TTLL7: variants seen among roughly 807,000 people sequenced by gnomAD.
TTLL7 encodes the protein tubulin tyrosine ligase like 7.
TTLL7 carries 53 observed loss-of-function variants against 120.2 expected under a neutral mutation model. The observed-to-expected ratio is 0.44, with a 90% confidence interval of 0.35 to 0.55. The LOEUF is 0.55. TTLL7 is among the 20% of genes least tolerant of loss of function. TTLL7 has a pLI of 0.00. For synonymous variants in TTLL7, 353 were observed against 351.7 expected (o/e 1.00, Z -0.04); for missense variants, 803 against 1,054.7 (o/e 0.76, Z 3.31).
chr1:83,942,891 T>G (rs1648109059), intron 6 of TTLL7, among the ~76,000 whole-genome samples: 1 of 152,084 alleles, frequency 6.6e-6, no homozygotes, highest in South Asian at 2.1e-4. Flanking sequence ...AATACTTAAC[T>G]AAGAAAAAAA....
chr1:83,956,644 G>T (rs1223350202), intron 1 of TTLL7, among the ~76,000 whole-genome samples: 1 of 152,108 alleles, frequency 6.6e-6, no homozygotes, highest in Non-Finnish European at 1.5e-5. Context: ...TGGTCAGGCT[G>T]GTCTCGAACT....
intron 19 of TTLL7, chr1:83,887,338 A>G: frequency 1.4e-6 from 1 of 730,430 alleles, no homozygotes; most frequent in South Asian, 1.6e-5. Context: ...AACTGAGAAG[A>G]GTAGATTTTC....
intron 18 of TTLL7, among the ~76,000 whole-genome samples, chr1:83,893,585 G>A (rs1370131858): frequency 1.3e-5 from 2 of 152,076 alleles, no homozygotes; most frequent in African/African-American, 2.4e-5. Context: ...AGAATTGGAA[G>A]CAGATGAAAG....
In TTLL7 at chr1:83,937,916, T is replaced by G; in HGVS notation, c.824A>C (p.Lys275Thr). Residue 275 changes from lysine (K) to threonine (T), a missense_variant, in exon 8 of 21, where the codon AAA becomes ACA. Coordinates refer to ENST00000260505, the MANE Select transcript of TTLL7 (RefSeq NM_024686.6). ...TGCTTGAAGGAATTCTGTAAACCAT[T>G]TGATGGAACGTTTGCTGCCTTTGTT... ...TENKGSKRSIKWFTEFLQANQ... is the reference protein window; with the variant it reads ...TENKGSKRSITWFTEFLQANQ... The G allele has an allele frequency of 1.2e-6, 2 of 1,614,056 alleles. No individual in the cohort carries two copies. Among genetic ancestry groups the G allele is most frequent in the Non-Finnish European group, 8.5e-7 (1 of 1,179,986 alleles).
chr1:83,950,030 GA>G, intron 3 of TTLL7, 44 bp from the exon 4 acceptor site: 1 of 1,511,746 alleles, frequency 6.6e-7, no homozygotes. Flanking sequence ...AAATACTTCT[GA>G]AATATATTCA....
chr1:83,904,122 G>C lies in TTLL7; in HGVS notation c.2165C>G (p.Ala722Gly). 6.2e-7 allele frequency: 1 copy of C among 1,612,076 alleles called. No homozygotes were observed. The highest frequency in any genetic ancestry group is 2.2e-5 in the East Asian group (1 of 44,750). The stretch of plus-strand genomic sequence containing the variant: ...GTCCAATTTTATGAGCCAATATGAA[G>C]CCACTTTGGTTTTATGATACTTCCA... ...DNWKYHKTKVASYWLIKLDSV... is the reference protein window; with the variant it reads ...DNWKYHKTKVGSYWLIKLDSV... Residue 722 changes from alanine to glycine, a missense_variant, in exon 18 of 21, where the codon GCT (alanine) becomes GGT (glycine). Coordinates refer to ENST00000260505, the MANE Select transcript of TTLL7 (RefSeq NM_024686.6).
chr1:83,986,499 C>T (rs544541046), intron 1 of TTLL7, among the ~76,000 whole-genome samples: 35 of 152,120 alleles, frequency 2.3e-4, no homozygotes, highest in Admixed American at 5.9e-4. Context: ...TACAAAAAAC[C>T]TACATAATTA....
In TTLL7 at chr1:83,868,692, A is replaced by G. The variant is rs1298191504; in HGVS notation, c.*1270T>C. 6.6e-6 allele frequency: 1 copy of G among 152,200 alleles called. No individual in the cohort carries two copies. The highest frequency in any genetic ancestry group is 1.5e-5 in the Non-Finnish European group (1 of 68,036). 9.4% of individuals were successfully genotyped at this position (152,200 alleles called of 1,614,324 possible). On this transcript the variant is annotated 3_prime_UTR_variant, in exon 21 of 21. Transcript: ENST00000260505. The stretch of plus-strand genomic sequence containing the variant: ...TTGTCTCATTATCCTGTAACACTAA[A>G]ATGAGTGAAATGTGTCAACTCTTCT...
At chr1:83,957,624 G>A (rs1407761255) in intron 1 of TTLL7, among the ~76,000 whole-genome samples, 1 of 152,126 alleles carries the variant, frequency 6.6e-6, no homozygotes, top group African/African-American at 2.4e-5. Context: ...CTAATAGGTT[G>A]AAGTGGTTTG....
At chr1:83,922,330 C>G (rs984603996) in intron 10 of TTLL7, among the ~76,000 whole-genome samples, 1 of 152,124 alleles carries the variant, frequency 6.6e-6, no homozygotes, top group African/African-American at 2.4e-5. Context: ...GGAAAGGCGA[C>G]AAGAAGGCCA....
chr1:83,970,011 C>G (rs1650830628), intron 1 of TTLL7, among the ~76,000 whole-genome samples: 2 of 151,932 alleles, frequency 1.3e-5, no homozygotes, highest in African/African-American at 4.8e-5. Context: ...TCACATGTCA[C>G]AATTTGTTTT....
intron 14 of TTLL7, among the ~76,000 whole-genome samples, chr1:83,916,693 AG>A (rs1412423285): frequency 1.3e-5 from 2 of 152,146 alleles, no homozygotes; most frequent in Admixed American, 6.6e-5. Flanking sequence ...ACAAAGAGAT[AG>A]CATAGTAATT....
chr1:83,896,520 T>C (rs1656237006), intron 18 of TTLL7, among the ~76,000 whole-genome samples: 2 of 152,160 alleles, frequency 1.3e-5, no homozygotes, highest in South Asian at 2.1e-4. Context: ...AATCACTACA[T>C]GCTGTACTAA....
chr1:83,897,390 T>C (rs1656323272), intron 18 of TTLL7, among the ~76,000 whole-genome samples: 1 of 152,106 alleles, frequency 6.6e-6, no homozygotes, highest in African/African-American at 2.4e-5. Context: ...TAAACAACTC[T>C]CAAAATCCCT....
intron 9 of TTLL7, 96 bp from the exon 10 acceptor site, chr1:83,929,326 T>G: frequency 3.6e-6 from 3 of 822,250 alleles, no homozygotes; most frequent in Non-Finnish European, 5.7e-6. Context: ...AGAACAACTC[T>G]ACATTAAACC....
At chr1:83,949,728 T>A in intron 4 of TTLL7, 137 bp downstream of exon 4, 4 of 895,742 alleles carry the variant, frequency 4.5e-6, no homozygotes, top group Non-Finnish European at 6.8e-6. Context: ...TACAACTGGA[T>A]AGCAACAAAA....
chr1:83,948,794 A>G (rs908728860), intron 4 of TTLL7, 99 bp from the exon 5 acceptor site: 13 of 757,758 alleles, frequency 1.7e-5, no homozygotes, highest in Middle Eastern at 5.1e-4. Flanking sequence ...TTTATGTTTT[A>G]ATAAACTGCC....
intron 19 of TTLL7, chr1:83,887,158 C>CA: frequency 1.1e-6 from 1 of 928,442 alleles, no homozygotes; most frequent in South Asian, 2.2e-5. Flanking sequence ...TGGAGGTAGA[C>CA]AGGGGATGGT....
At chr1:83,905,729 T>C in intron 17 of TTLL7, among the ~76,000 whole-genome samples, 1 of 152,008 alleles carries the variant, frequency 6.6e-6, no homozygotes, top group East Asian at 1.9e-4. Context: ...TTATCTGAAA[T>C]AACTTGGACC....
Sources: gnomAD v4.1 joint callset for allele counts (sites outside exome capture counted in the v4.1 genomes callset) on GRCh38, gnomAD v4.1.1 for gene constraint, MANE v1.5 for transcripts, NCBI Gene and HGNC (gene_info 2026-07-23, HGNC 2026-07-21) for gene names.